ACADM: variants seen among roughly 807,000 people sequenced by gnomAD.
ACADM encodes medium-chain specific acyl-CoA dehydrogenase, mitochondrial.
A neutral mutation model predicts 58.9 loss-of-function variants in ACADM; 49 were observed. That is an observed-to-expected ratio of 0.83 (90% CI 0.66 to 1.06). The LOEUF (loss-of-function observed/expected upper bound fraction) is 1.06. Ranked by LOEUF, ACADM falls within the 50% of genes least tolerant of loss-of-function variation. The pLI is 0.00. For missense variants in ACADM, 496 were observed against 507.0 expected (o/e 0.98, Z 0.21); for synonymous variants, 160 against 157.7 (o/e 1.01, Z -0.11).
chr1:75,726,971 A>G (rs2100342281), intron 1 of ACADM, among the ~76,000 whole-genome samples: 1 of 151,786 alleles, frequency 6.6e-6, no homozygotes, highest in East Asian at 1.9e-4. Context: ...CACCTGGCTA[A>G]TTTTTGTATT....
In ACADM at chr1:75,750,795, C is replaced by T. The variant is rs1264894321; in HGVS notation, c.945+249C>T. ...ATGGAGTCTCGCTCTGTTGCTCAGG[C>T]TAGAGTGCAGTGGCACAATCTCGGT... is the stretch of plus-strand genomic sequence containing the variant. On this transcript the variant is annotated intron_variant, in intron 10 of 11. Transcript: ENST00000370841. 3 of 504,116 alleles carry T rather than the reference C, an allele frequency of 6.0e-6. No homozygotes were observed. The Admixed American group carries it at 9.7e-5, about 16-fold the overall frequency. 31.2% of individuals were successfully genotyped at this position (504,116 alleles called of 1,614,324 possible). A position where few individuals can be genotyped will look rare whatever the true frequency, so the allele number is the denominator to read the frequency against.
rs955565402 is a variant in ACADM at position 75,763,424 on chromosome 1, A to G, written c.*661A>G. On this transcript the variant is annotated 3_prime_UTR_variant, in exon 12 of 12. Transcript: ENST00000370841. ...TTGGTCTCTAGGTAGCCTTTGGTCT[A>G]TTGTACACAATCTCATTTCATATGT... 1.3e-5 allele frequency: 2 copies of G among 152,180 alleles called. No homozygotes were observed. Among genetic ancestry groups the G allele is most frequent in the African/African-American group, 2.4e-5 (1 of 41,452 alleles). The allele number at this position is 152,180 out of a possible 1,614,324, so 9.4% of individuals were successfully genotyped here. A position where few individuals can be genotyped will look rare whatever the true frequency, so the allele number is the denominator to read the frequency against.
Position 75,739,976 on chromosome 1 carries a change from C to A in ACADM, c.469-4C>A. The A allele has an allele frequency of 6.2e-7, 1 of 1,604,818 alleles. No individual in the cohort carries two copies. The highest frequency in any genetic ancestry group is 1.1e-5 in the South Asian group (1 of 89,238). On this transcript the variant is annotated splice_polypyrimidine_tract_variant and splice_region_variant and intron_variant, in intron 6 of 11. Transcript: ENST00000370841. ...TTCATTTCTCTTGTTTTTATATATT[C>A]AAGGCTTATTGTGTAACAGAACCTG...
chr1:75,752,432 A>G (rs1302546597), intron 10 of ACADM, among the ~76,000 whole-genome samples: 1 of 152,214 alleles, frequency 6.6e-6, no homozygotes, highest in Non-Finnish European at 1.5e-5. Context: ...AACCAGTAAC[A>G]GTTTGTGAAT....
intron 2 of ACADM, among the ~76,000 whole-genome samples, chr1:75,729,568 A>C (rs1265817285): frequency 1.3e-5 from 2 of 150,440 alleles, no homozygotes; most frequent in African/African-American, 4.9e-5. Flanking sequence ...CAAGTGGCTC[A>C]CTGCAACCTC....
At chr1:75,739,856 T>G in intron 6 of ACADM, 124 bp from the exon 7 acceptor site, 1 of 707,842 alleles carries the variant, frequency 1.4e-6, no homozygotes, top group South Asian at 2.5e-5. Context: ...GTAAGAACAT[T>G]TTAATTTTAG....
chr1:75,743,373 T>C, intron 7 of ACADM: 1 of 1,588,018 alleles, frequency 6.3e-7, no homozygotes, highest in Non-Finnish European at 8.6e-7. Flanking sequence ...AGAAGACTGG[T>C]TTTCAGTTCC....
chr1:75,745,716 T>C, intron 7 of ACADM, 90 bp from the exon 8 acceptor site: 1 of 988,706 alleles, frequency 1.0e-6, no homozygotes, highest in Non-Finnish European at 1.6e-6. Flanking sequence ...GTAATAATAA[T>C]TGGGATTGTT....
intron 10 of ACADM, among the ~76,000 whole-genome samples, chr1:75,755,987 G>A (rs1351540064): frequency 6.6e-6 from 1 of 152,188 alleles, no homozygotes; most frequent in African/African-American, 2.4e-5. Context: ...TATCTCAATA[G>A]ATGCAGAAAA....
chr1:75,738,834 C>T (rs1647413566), intron 6 of ACADM, among the ~76,000 whole-genome samples: 1 of 152,182 alleles, frequency 6.6e-6, no homozygotes, highest in African/African-American at 2.4e-5. Context: ...CTTGAATTAA[C>T]TTGCACTAAC....
chr1:75,760,621 CCAAT>C (rs893242071), intron 10 of ACADM, among the ~76,000 whole-genome samples: 5 of 117,712 alleles, frequency 4.2e-5, no homozygotes, highest in African/African-American at 1.6e-4. Context: ...CATAAAATAA[CCAAT>C]CAACATTCTT....
intron 10 of ACADM, among the ~76,000 whole-genome samples, chr1:75,755,487 C>T (rs901657956): frequency 2.0e-5 from 3 of 152,212 alleles, no homozygotes; most frequent in African/African-American, 7.2e-5. Context: ...TGGTGATACC[C>T]AGGCAAAGAG....
intron 1 of ACADM, among the ~76,000 whole-genome samples, chr1:75,725,588 T>C (rs756447275): frequency 2.0e-5 from 3 of 152,130 alleles, no homozygotes; most frequent in Non-Finnish European, 4.4e-5. Context: ...CAAGGAAGGA[T>C]CTAAAAAAAA....
At chr1:75,751,114 G>C (rs1175758406) in intron 10 of ACADM, among the ~76,000 whole-genome samples, 1 of 150,594 alleles carries the variant, frequency 6.6e-6, no homozygotes, top group Non-Finnish European at 1.5e-5. Flanking sequence ...GGCTGAGGCG[G>C]GCGGATCATG....
chr1:75,724,771 C>G lies in ACADM; in HGVS notation c.-17C>G, dbSNP rs367734665. The G allele has an allele frequency of 2.6e-5, 39 of 1,526,906 alleles. No individual in the cohort carries two copies. The African/African-American group carries it at 5.0e-4, about 20-fold the overall frequency. The allele number at this position is 1,526,906 out of a possible 1,614,324, so 94.6% of individuals were successfully genotyped here. A position where few individuals can be genotyped will look rare whatever the true frequency, so the allele number is the denominator to read the frequency against. ...GACCCGTGTATTATTGTCCGAGTGG[C>G]CGGAACGGGAGCCAACATGGCAGCG... is the stretch of plus-strand genomic sequence containing the variant. On this transcript the variant is annotated 5_prime_UTR_variant, in exon 1 of 12. Coordinates refer to ENST00000370841, the MANE Select transcript of ACADM (RefSeq NM_000016.6).
intron 8 of ACADM, among the ~76,000 whole-genome samples, chr1:75,747,899 T>TTA (rs1647983318): frequency 1.3e-5 from 2 of 152,204 alleles, no homozygotes; most frequent in Non-Finnish European, 2.9e-5. Context: ...TGTTTTCTCA[T>TTA]TATATATGCA....
At position 75,749,504 on chromosome 1, in the gene ACADM, G is replaced by T; in HGVS notation, c.794G>T (p.Gly265Val). The change falls in exon 9 of 12, where the codon GGT becomes GTT. Residue 265 changes from glycine to valine, a missense_variant. By Grantham distance (109) the Gly-to-Val change is moderately radical. Transcript: ENST00000370841. ...VKVPKENVLI[G>V]DGAGFKVAMG... ...GTGCCTAAAGAAAATGTTTTAATTG[G>T]TGACGGAGCTGGTTTCAAAGTTGCA... The T allele has an allele frequency of 1.2e-6, 2 of 1,614,064 alleles. No individual in the cohort carries two copies. The highest frequency in any genetic ancestry group is 3.3e-5 in the Admixed American group (2 of 60,018).
rs565937026 is a variant in ACADM at position 75,757,534 on chromosome 1, A to G, written c.946-3588A>G. On this transcript the variant is annotated intron_variant, in intron 10 of 11. Coordinates refer to ENST00000370841, the MANE Select transcript of ACADM (RefSeq NM_000016.6). ...CCATCTCATATCATTTAGAATGGCA[A>G]TCATTAAAAAGTCAGGAAACAACAG... is the stretch of plus-strand genomic sequence containing the variant. 7.2e-5 allele frequency among the ~76,000 whole-genome samples: 11 copies of G among 152,334 alleles called. No individual in the cohort carries two copies. The East Asian group carries it at 1.7e-3, about 24-fold the overall frequency.
In ACADM at chr1:75,763,365, A is replaced by G. The variant is rs1182099500; in HGVS notation, c.*602A>G. The G allele has an allele frequency of 1.3e-5, 2 of 152,368 alleles. No individual in the cohort carries two copies. The highest frequency in any genetic ancestry group is 2.1e-4 in the South Asian group (1 of 4,830). 9.4% of individuals were successfully genotyped at this position (152,368 alleles called of 1,614,324 possible). A position where few individuals can be genotyped will look rare whatever the true frequency, so the allele number is the denominator to read the frequency against. The stretch of plus-strand genomic sequence containing the variant: ...CACTTACCTTATTTAAAATAAATCA[A>G]TAAAGCTTGCCTTAAATTATTTTTA... On this transcript the variant is annotated 3_prime_UTR_variant, in exon 12 of 12. Transcript: ENST00000370841.
Sources: gnomAD v4.1 joint callset for allele counts (sites outside exome capture counted in the v4.1 genomes callset) on GRCh38, gnomAD v4.1.1 for gene constraint, MANE v1.5 for transcripts, NCBI Gene and HGNC (gene_info 2026-07-23, HGNC 2026-07-21) for gene names.